SRFBP1: variants seen among roughly 807,000 people sequenced by gnomAD.
SRFBP1 encodes serum response factor binding protein 1.
Under a neutral mutation model 45.5 loss-of-function variants are expected in SRFBP1, and 47 were observed. The observed-to-expected ratio is 1.03, with a 90% CI of 0.82 to 1.32. The LOEUF is 1.32. SRFBP1 is among the 40% of genes most tolerant of loss of function. The pLI is 0.00. For synonymous variants in SRFBP1, 203 were observed against 166.3 expected, an observed-to-expected ratio of 1.22 and a Z score of -1.70; for missense variants, 621 against 484.6, an observed-to-expected ratio of 1.28 and a Z score of -2.64.
At chr5:121,965,079 T>C (rs576677949) in intron 1 of SRFBP1, among the ~76,000 whole-genome samples, 9 of 152,248 alleles carry the variant, frequency 5.9e-5, no homozygotes, top group African/African-American at 1.9e-4. Context: ...TTTGTAGATT[T>C]TGGATATTAA....
chr5:122,012,403 A>G (rs985581224), intron 4 of SRFBP1, among the ~76,000 whole-genome samples: 2 of 152,144 alleles, frequency 1.3e-5, no homozygotes, highest in African/African-American at 4.8e-5. Flanking sequence ...CTTTAAAACA[A>G]ACATTTCAAA....
rs375686145 is a variant in SRFBP1, at chr5:121,980,605, A to G, written c.198+5218A>G. Among the ~76,000 whole-genome samples the G allele has an allele frequency of 8.5e-4, 130 of 152,264 alleles. 4 individuals are homozygous for G. The South Asian group carries it at 0.023, about 27-fold the overall frequency. Reference sequence around the variant, plus strand: ...TGATAATAGCCATTTTTGCTTATGGAGAAGAAAAATGTTGTTTCCTTTCCT... The same window carrying G: ...TGATAATAGCCATTTTTGCTTATGGGGAAGAAAAATGTTGTTTCCTTTCCT... On this transcript the variant is annotated intron_variant, in intron 3 of 7. Coordinates refer to ENST00000339397, the MANE Select transcript of SRFBP1 (RefSeq NM_152546.3).
intron 2 of SRFBP1, among the ~76,000 whole-genome samples, chr5:122,059,931 T>G (rs1470330509): frequency 6.6e-6 from 1 of 152,098 alleles, no homozygotes; most frequent in East Asian, 1.9e-4. Flanking sequence ...CTTGAAAGAA[T>G]GGTTCTCTCT....
In SRFBP1 at chr5:121,962,042, C is replaced by G. The variant is rs752362677; in HGVS notation, c.10C>G (p.Pro4Ala). The change falls in exon 1 of 8, where the codon CCG (proline) becomes GCG (alanine). Residue 4 changes from proline to alanine, a missense_variant. Transcript: ENST00000339397. ...TATTCCTTCATCTACCATGGCTCAG[C>G]CGGGAACTCTGAACCTCAATAACGA... MAQ[P>A]GTLNLNNEVV... The G allele has an allele frequency of 3.1e-6, 5 of 1,614,092 alleles. No homozygotes were observed. In the Admixed American group the frequency reaches 8.3e-5, roughly 27 times the overall value.
intron 4 of SRFBP1, among the ~76,000 whole-genome samples, chr5:122,002,881 T>A (rs1752900109): frequency 6.6e-6 from 1 of 152,204 alleles, no homozygotes; most frequent in African/African-American, 2.4e-5. Flanking sequence ...AGCACTCTGA[T>A]GCTACATTTA....
intron 4 of SRFBP1, among the ~76,000 whole-genome samples, chr5:121,999,923 C>T (rs558054218): frequency 6.6e-6 from 1 of 152,072 alleles, no homozygotes; most frequent in South Asian, 2.1e-4. Flanking sequence ...TATGTTTAAG[C>T]CATTTCTATT....
intron 2 of SRFBP1, among the ~76,000 whole-genome samples, chr5:122,034,814 G>A (rs1753662426): frequency 6.6e-6 from 1 of 150,724 alleles, no homozygotes; most frequent in Admixed American, 6.6e-5. Flanking sequence ...TTGAGCTCTT[G>A]ATGTTTAAAA....
intron 3 of SRFBP1, among the ~76,000 whole-genome samples, chr5:121,980,008 A>G (rs1310026892): frequency 6.6e-6 from 1 of 152,116 alleles, no homozygotes; most frequent in African/African-American, 2.4e-5. Context: ...TATCCTATCT[A>G]CCAGAGGGAC....
intron 2 of SRFBP1, among the ~76,000 whole-genome samples, chr5:122,035,046 T>TTTG (rs567377088): frequency 5.3e-5 from 8 of 152,046 alleles, no homozygotes; most frequent in East Asian, 1.9e-4. Context: ...AGGTTTTTTT[T>TTTG]TTGTTGTTGT....
At chr5:122,051,122 A>G (rs944130147) in intron 2 of SRFBP1, among the ~76,000 whole-genome samples, 2 of 152,072 alleles carry the variant, frequency 1.3e-5, no homozygotes, top group South Asian at 2.1e-4. Flanking sequence ...GAGTATGGTT[A>G]GTATGATTCT....
downstream of SRFBP1, among the ~76,000 whole-genome samples, chr5:122,033,505 C>T (rs1753624743): frequency 6.6e-6 from 1 of 151,468 alleles, no homozygotes; most frequent in African/African-American, 2.4e-5. Flanking sequence ...GGTAAAGTCT[C>T]ACTGGAGTGC....
At chr5:122,058,089 T>G (rs972496836) in intron 2 of SRFBP1, among the ~76,000 whole-genome samples, 2 of 152,186 alleles carry the variant, frequency 1.3e-5, no homozygotes, top group African/African-American at 4.8e-5. Context: ...AAAAATGATG[T>G]CCATTTAACC....
At chr5:122,039,291 T>G (rs1753737565) in intron 2 of SRFBP1, among the ~76,000 whole-genome samples, 1 of 152,166 alleles carries the variant, frequency 6.6e-6, no homozygotes, top group Non-Finnish European at 1.5e-5. Flanking sequence ...GAACCATGCT[T>G]CATTCAGAGA....
At chr5:122,064,669 C>A (rs980843457) in intron 2 of SRFBP1, 1 of 151,570 alleles carries the variant, frequency 6.6e-6, no homozygotes, top group Non-Finnish European at 1.5e-5. Context: ...TAAGATGAAC[C>A]TTATGGGTAA....
intron 7 of SRFBP1, among the ~76,000 whole-genome samples, chr5:122,023,627 C>G (rs1209722244): frequency 6.6e-6 from 1 of 152,176 alleles, no homozygotes; most frequent in African/African-American, 2.4e-5. Flanking sequence ...TGGTCCGTGT[C>G]TAGGGAGGGT....
chr5:122,051,858 A>G (rs1561409585), intron 2 of SRFBP1, among the ~76,000 whole-genome samples: 1 of 152,084 alleles, frequency 6.6e-6, no homozygotes, highest in Admixed American at 6.6e-5. Context: ...ACTGGTATGT[A>G]TACTTAAGTG....
Position 122,020,324 on chromosome 5 carries a change from G to C in SRFBP1, c.589G>C (p.Ala197Pro). 2 of 1,613,858 alleles carry C rather than the reference G, an allele frequency of 1.2e-6. No individual in the cohort carries two copies. The highest frequency in any genetic ancestry group is 1.7e-6 in the Non-Finnish European group (2 of 1,179,916). The change falls in exon 6 of 8, where the codon GCA becomes CCA. Residue 197 changes from alanine (A) to proline (P), a missense_variant. Ala to Pro is a conservative substitution (Grantham distance 27). Transcript: ENST00000339397. The part of the protein sequence containing the change: ...KIAKMEHGPK[A>P]VTIANSPSKP... The stretch of plus-strand genomic sequence containing the variant: ...AGCAAAGATGGAACATGGACCTAAA[G>C]CAGTGACTATTGCAAATTCTCCATC...
chr5:122,031,852 TAAG>T (rs111906479), downstream of SRFBP1, among the ~76,000 whole-genome samples: 995 of 152,316 alleles, frequency 6.5e-3, 19 homozygotes, highest in African/African-American at 0.023. Context: ...GGATGAGCCT[TAAG>T]AATATCATGC....
At chr5:122,058,529 A>AGTGTGTGTGT (rs147926229) in intron 2 of SRFBP1, among the ~76,000 whole-genome samples, 390 of 142,336 alleles carry the variant, frequency 2.7e-3, no homozygotes, top group Non-Finnish European at 3.8e-3. Flanking sequence ...ACAATGAGAT[A>AGTGTGTGTGT]GTGTGTGTGT....
Sources: allele counts gnomAD v4.1 joint callset (sites outside exome capture counted in the v4.1 genomes callset), GRCh38; gene constraint gnomAD v4.1.1; transcripts MANE v1.5; gene names NCBI Gene and HGNC (gene_info 2026-07-23, HGNC 2026-07-21).